The following CEP152 variants were observed in gnomAD, a reference collection of about 807,000 sequenced individuals.
CEP152 encodes centrosomal protein 152.
CEP152 carries 132 observed loss-of-function variants against 188.9 expected under a neutral mutation model. The observed-to-expected ratio is 0.70, with a 90% CI of 0.61 to 0.81. CEP152 has a LOEUF of 0.81. CEP152 is among the 30% of genes least tolerant of loss of function. The pLI, the probability that CEP152 is intolerant of heterozygous loss-of-function variation, is 0.00. For missense variants in CEP152, 1,914 were observed against 1,969.8 expected (o/e 0.97, Z 0.54); for synonymous variants, 649 against 666.6 (o/e 0.97, Z 0.41).
At chr15:48,729,535 C>T (rs1892353204) in intron 2 of CEP152, 1 of 152,014 alleles carries the variant, frequency 6.6e-6, no homozygotes, top group South Asian at 2.1e-4. Context: ...AGCAAGATCC[C>T]ATCTCCTAAA....
At chr15:48,765,245 C>A (rs918111160) in intron 17 of CEP152, among the ~76,000 whole-genome samples, 2 of 152,006 alleles carry the variant, frequency 1.3e-5, no homozygotes, top group Non-Finnish European at 2.9e-5. Flanking sequence ...CAAAAGGGAG[C>A]GTTTTAGGGT....
chr15:48,772,340 G>A (rs1470506945), intron 13 of CEP152, 147 bp downstream of exon 13: 6 of 690,920 alleles, frequency 8.7e-6, no homozygotes, highest in Non-Finnish European at 1.5e-5. Context: ...TAGCCTGGGA[G>A]GTTGAGGCTA....
At chr15:48,774,618 A>G (rs1895764801) in intron 12 of CEP152, among the ~76,000 whole-genome samples, 1 of 152,248 alleles carries the variant, frequency 6.6e-6, no homozygotes, top group Non-Finnish European at 1.5e-5. Flanking sequence ...TTTAAACCAC[A>G]CATTCAAGTC....
intron 26 of CEP152, 40 bp from the exon 27 acceptor site, chr15:48,739,328 A>G: frequency 1.3e-6 from 2 of 1,571,818 alleles, no homozygotes; most frequent in African/African-American, 1.4e-5. Flanking sequence ...GAGAAAATTA[A>G]TATTTAAAGG....
intron 15 of CEP152, 42 bp from the exon 16 acceptor site, chr15:48,767,505 A>G (rs1182763271): frequency 2.5e-6 from 4 of 1,613,458 alleles, no homozygotes; most frequent in Non-Finnish European, 3.4e-6. Flanking sequence ...CAGTCTCACT[A>G]CGAACACCAA....
chr15:48,756,694 A>G, intron 19 of CEP152, 141 bp from the exon 20 acceptor site: 1 of 779,968 alleles, frequency 1.3e-6, no homozygotes, highest in South Asian at 1.8e-5. Flanking sequence ...TTTAGATAAG[A>G]CATTATTCTA....
intron 21 of CEP152, 32 bp downstream of exon 21, chr15:48,752,317 T>C (rs1566982855): frequency 6.2e-7 from 1 of 1,614,072 alleles, no homozygotes; most frequent in East Asian, 2.2e-5. Context: ...TTATGGATGC[T>C]ACAAAGACTG....
At chr15:48,754,744 G>T (rs1184680641) in intron 20 of CEP152, among the ~76,000 whole-genome samples, 3 of 152,178 alleles carry the variant, frequency 2.0e-5, no homozygotes, top group African/African-American at 7.2e-5. Flanking sequence ...AGGCTAAGCT[G>T]TGCCATGCAT....
intron 8 of CEP152, among the ~76,000 whole-genome samples, chr15:48,790,602 C>A (rs992561312): frequency 6.6e-6 from 1 of 152,062 alleles, no homozygotes; most frequent in East Asian, 1.9e-4. Flanking sequence ...GTCTCGCTCT[C>A]GTCCCCCAGG....
intron 10 of CEP152, chr15:48,783,423 G>T (rs1470120432): frequency 6.6e-6 from 1 of 151,976 alleles, no homozygotes; most frequent in Non-Finnish European, 1.5e-5. Flanking sequence ...GTTATACAAA[G>T]GATAGAACTA....
chr15:48,747,052 G>A (rs910024216), intron 22 of CEP152, among the ~76,000 whole-genome samples: 4 of 152,102 alleles, frequency 2.6e-5, no homozygotes, highest in Non-Finnish European at 4.4e-5. Flanking sequence ...TTCAAACCCC[G>A]TTAAACTAAG....
chr15:48,758,112 G>T (rs1894409138), intron 19 of CEP152, among the ~76,000 whole-genome samples: 1 of 152,198 alleles, frequency 6.6e-6, no homozygotes, highest in Non-Finnish European at 1.5e-5. Context: ...AAGGGTAGGG[G>T]CCAGGCAACA....
chr15:48,762,756 C>A, intron 17 of CEP152, 84 bp from the exon 18 acceptor site: 1 of 1,363,306 alleles, frequency 7.3e-7, no homozygotes, highest in Non-Finnish European at 1.0e-6. Context: ...GAAAAGCAAC[C>A]ACAGCTGTGT....
chr15:48,765,636 A>ATTTTTTTGTTTTTTTTTTT, intron 17 of CEP152: 1 of 188,120 alleles, frequency 5.3e-6, no homozygotes, highest in Non-Finnish European at 9.4e-6. Context: ...GTTCTTGCCA[A>ATTTTTTTGTTTTTTTTTTT]TTTTTTTTTT....
chr15:48,769,371 T>C (rs993339880), intron 13 of CEP152, among the ~76,000 whole-genome samples: 2 of 152,236 alleles, frequency 1.3e-5, no homozygotes, highest in Admixed American at 6.5e-5. Context: ...TTAGTTGTCA[T>C]GTTTCATTAG....
chr15:48,791,464 T>C (rs1481937285), intron 7 of CEP152, 88 bp from the exon 8 acceptor site: 14 of 1,118,140 alleles, frequency 1.3e-5, no homozygotes, highest in East Asian at 1.2e-4. Context: ...GTCTGTATCA[T>C]ATATAAATGT....
In CEP152 at chr15:48,797,385, T is replaced by G; in HGVS notation, c.456A>C (p.Pro152=). ...ATTCCTGCTTCTGACCATTGGTATA[T>G]GGCCTAAAGTTTTCAGGAAGGTGAT... ...DLYHLPENFR[P]YTNGQKQEFN... The change falls in exon 5 of 27, where the codon CCA becomes CCC. Residue 152 remains proline, a synonymous_variant. Coordinates refer to ENST00000380950, the MANE Select transcript of CEP152 (RefSeq NM_001194998.2). 1 of 1,614,136 alleles carries G rather than the reference T, an allele frequency of 6.2e-7. No homozygotes were observed. The highest frequency in any genetic ancestry group is 8.5e-7 in the Non-Finnish European group (1 of 1,179,978).
chr15:48,781,273 T>G lies in CEP152; in HGVS notation c.1500A>C (p.Glu500Asp), dbSNP rs1248227604. The G allele has an allele frequency of 2.5e-6, 4 of 1,613,338 alleles. No individual in the cohort carries two copies. The highest frequency in any genetic ancestry group is 3.4e-6 in the Non-Finnish European group (4 of 1,179,564). The change falls in exon 12 of 27, where the codon GAA becomes GAC. Residue 500 changes from glutamate (E) to aspartate (D), a missense_variant. Physicochemically the swap from Glu to Asp is conservative, Grantham distance 45. Coordinates refer to ENST00000380950, the MANE Select transcript of CEP152 (RefSeq NM_001194998.2). ...ACGATTCAGTGAGTTCTATATTTAA[T>G]TCTCCTTCTGAGTCACTTGGATGTA... ...LGIHPSDSEG[E>D]LNIELTESYV...
At chr15:48,802,814 A>G (rs1897757975) in intron 2 of CEP152, among the ~76,000 whole-genome samples, 1 of 152,266 alleles carries the variant, frequency 6.6e-6, no homozygotes. Context: ...AAAAAGCAAA[A>G]TCATAATTGT....
Sources: gnomAD v4.1 joint callset for allele counts (sites outside exome capture counted in the v4.1 genomes callset) on GRCh38, gnomAD v4.1.1 for gene constraint, MANE v1.5 for transcripts, NCBI Gene and HGNC (gene_info 2026-07-23, HGNC 2026-07-21) for gene names.